HNRNPA1L2: variants seen among roughly 807,000 people sequenced by gnomAD.
HNRNPA1L2 encodes heterogeneous nuclear ribonucleoprotein A1 like 2.
A neutral mutation model predicts 18.2 loss-of-function variants in HNRNPA1L2; 10 were observed. The observed-to-expected ratio is 0.55, with a 90% CI of 0.34 to 0.93. HNRNPA1L2 has a LOEUF of 0.93. Among genes scored for constraint, HNRNPA1L2 ranks in the 40% least tolerant of loss-of-function variants. The pLI is 0.02. For missense variants in HNRNPA1L2, 308 were observed against 394.4 expected (o/e 0.78, Z 1.85); for synonymous variants, 124 against 138.6 (o/e 0.89, Z 0.74).
the HNRNPA1L2 span, among the ~76,000 whole-genome samples, chr13:52,623,472 A>T: frequency 6.6e-6 from 1 of 152,194 alleles, no homozygotes; most frequent in African/African-American, 2.4e-5. Context: ...GATGGGTGTG[A>T]TGTATGTAAA....
upstream of HNRNPA1L2, chr13:52,642,247 G>C (rs1445081620): frequency 1.9e-6 from 1 of 531,418 alleles, no homozygotes; most frequent in Non-Finnish European, 3.3e-6. Context: ...CAAAATTAGG[G>C]CTTCACAGCA....
In HNRNPA1L2 at chr13:52,643,181, G is replaced by A. The variant is rs374057465; in HGVS notation, c.689G>A (p.Gly230Asp). ...TTCAGTGGTCGTGGTGGCTTTGGTG[G>A]CAGCTGTGGTGGTGGTGGATATGGT... ...GNFSGRGGFG[G>D]SCGGGGYGGS... Residue 230 changes from glycine to aspartate, a missense_variant, in exon 1 of 1, where the codon GGC becomes GAC. Coordinates refer to ENST00000357495, the MANE Select transcript of HNRNPA1L2 (RefSeq NM_001389320.1). 3.4e-5 allele frequency: 55 copies of A among 1,597,996 alleles called. No individual in the cohort carries two copies. Among genetic ancestry groups the A allele is most frequent in the Non-Finnish European group, 4.5e-5 (53 of 1,179,832 alleles).
rs200119730 is a variant in HNRNPA1L2 at position 52,643,359 on chromosome 13, T to A, written c.867T>A (p.Tyr289Ter). The A allele has an allele frequency of 1.2e-4, 185 of 1,598,416 alleles. No individual in the cohort carries two copies. The African/African-American group carries it at 2.2e-3, about 19-fold the overall frequency. ...GNFGGRSSGP[Y>*]GGGGQYFAKP... is the part of the protein sequence containing the mutation. ...TTGGAGGCAGAAGCTCTGGCCCCTATGGCGGTGGAGGCCAATACTTTGCAA... is the reference window on the plus strand; with the variant it reads ...TTGGAGGCAGAAGCTCTGGCCCCTAAGGCGGTGGAGGCCAATACTTTGCAA... Residue 289 changes from tyrosine to a stop codon, truncating the protein, a stop_gained, in exon 1 of 1, where the codon TAT becomes TAA. Transcript: ENST00000357495. LOFTEE classifies it high-confidence loss of function.
the HNRNPA1L2 span, among the ~76,000 whole-genome samples, chr13:52,624,176 G>A: frequency 7.2e-5 from 11 of 152,248 alleles, no homozygotes; most frequent in East Asian, 1.7e-3. Flanking sequence ...GTGCAGTGGC[G>A]CGGTCTTGGC....
Position 52,642,731 on chromosome 13 carries a change from A to T in HNRNPA1L2, c.239A>T (p.Asp80Val). The T allele has an allele frequency of 6.2e-7, 1 of 1,601,918 alleles. No homozygotes were observed. Among genetic ancestry groups the T allele is most frequent in the Non-Finnish European group, 8.5e-7 (1 of 1,179,794 alleles). The change falls in exon 1 of 1, where the codon GAT becomes GTT. Residue 80 changes from aspartate (D) to valine (V), a missense_variant. Coordinates refer to ENST00000357495, the MANE Select transcript of HNRNPA1L2 (RefSeq NM_001389320.1). The part of the protein sequence containing the change: ...AAMNTTPHKV[D>V]GRVVEPKRAV... Reference sequence around the variant, plus strand: ...ATGAATACAACGCCACACAAGGTGGATGGAAGAGTTGTGGAACCAAAGAGA... The same window carrying T: ...ATGAATACAACGCCACACAAGGTGGTTGGAAGAGTTGTGGAACCAAAGAGA...
the HNRNPA1L2 span, chr13:52,637,305 A>G: frequency 2.3e-5 from 5 of 217,638 alleles, no homozygotes; most frequent in Admixed American, 4.3e-5. Context: ...TACTATACAG[A>G]CACATCACCT....
At chr13:52,621,474 C>T in the HNRNPA1L2 span, among the ~76,000 whole-genome samples, 1 of 152,072 alleles carries the variant, frequency 6.6e-6, no homozygotes, top group African/African-American at 2.4e-5. Context: ...AGATCAAGGA[C>T]TTGCAGTCAG....
the HNRNPA1L2 span, among the ~76,000 whole-genome samples, chr13:52,636,569 A>G: frequency 6.6e-6 from 1 of 152,216 alleles, no homozygotes; most frequent in Admixed American, 6.5e-5. Flanking sequence ...TCAAGTGTTC[A>G]TTAGCAGTTT....
At chr13:52,638,681 T>G (rs1961542417), upstream of HNRNPA1L2, among the ~76,000 whole-genome samples, 1 of 152,212 alleles carries the variant, frequency 6.6e-6, no homozygotes, top group Non-Finnish European at 1.5e-5. Flanking sequence ...AATTGCCTAT[T>G]AAATTGGGAA....
chr13:52,628,459 T>TA, the HNRNPA1L2 span, among the ~76,000 whole-genome samples: 2,343 of 151,340 alleles, frequency 0.015, 62 homozygotes, highest in African/African-American at 0.053. Context: ...AAATTATATT[T>TA]AAAAAAAAAG....
upstream of HNRNPA1L2, among the ~76,000 whole-genome samples, chr13:52,639,374 G>C (rs1322646375): frequency 1.3e-5 from 2 of 152,082 alleles, no homozygotes; most frequent in East Asian, 3.9e-4. Flanking sequence ...TTTTACTTAC[G>C]ATATCTTCCC....
chr13:52,628,372 T>G, the HNRNPA1L2 span, among the ~76,000 whole-genome samples: 1 of 152,016 alleles, frequency 6.6e-6, no homozygotes, highest in Non-Finnish European at 1.5e-5. Context: ...AAGTCCAGAG[T>G]TTGAGGCTGC....
upstream of HNRNPA1L2, chr13:52,642,168 T>G: frequency 5.8e-6 from 2 of 347,140 alleles, no homozygotes; most frequent in East Asian, 1.1e-4. Context: ...GCCAACAATG[T>G]GGGGTTGGTG....
chr13:52,639,233 C>T (rs1961563033), upstream of HNRNPA1L2, among the ~76,000 whole-genome samples: 1 of 152,128 alleles, frequency 6.6e-6, no homozygotes, highest in Non-Finnish European at 1.5e-5. Context: ...AGCTATTCAA[C>T]CCTTTATAAT....
the HNRNPA1L2 span, chr13:52,617,615 TC>T: frequency 2.1e-6 from 1 of 474,204 alleles, no homozygotes; most frequent in East Asian, 3.2e-5. Flanking sequence ...CCACCCTTTG[TC>T]CCCTGGAAGC....
the HNRNPA1L2 span, among the ~76,000 whole-genome samples, chr13:52,630,279 A>G: frequency 1.3e-5 from 2 of 151,860 alleles, no homozygotes; most frequent in Non-Finnish European, 2.9e-5. Context: ...TTATTTATTT[A>G]TTTGTTTATT....
At chr13:52,635,721 C>T in the HNRNPA1L2 span, among the ~76,000 whole-genome samples, 18 of 151,898 alleles carry the variant, frequency 1.2e-4, 1 homozygote, top group Non-Finnish European at 1.3e-4. Flanking sequence ...TACTCTTTTG[C>T]ATCTGGCTTG....
the HNRNPA1L2 span, among the ~76,000 whole-genome samples, chr13:52,628,900 A>C: frequency 2.0e-5 from 3 of 152,160 alleles, no homozygotes; most frequent in African/African-American, 7.2e-5. Flanking sequence ...TTGGAGACAA[A>C]GTTTCACTCT....
Position 52,642,860 on chromosome 13 carries a change from A to T in HNRNPA1L2, c.368A>T (p.Asp123Val). The change falls in exon 1 of 1, where the codon GAT (aspartate) becomes GTT (valine). Residue 123 changes from aspartate (D) to valine (V), a missense_variant. Transcript: ENST00000357495. ...KEDTEEHHLR[D>V]YFEQYGKIEV... The stretch of plus-strand genomic sequence containing the variant: ...GACACTGAAGAACATCACCTAAGAG[A>T]TTATTTTGAACAGTATGGAAAAATT... 1 of 1,596,626 alleles carries T rather than the reference A, an allele frequency of 6.3e-7. No individual in the cohort carries two copies. Among genetic ancestry groups the T allele is most frequent in the Non-Finnish European group, 8.5e-7 (1 of 1,179,732 alleles).
Sources: allele counts gnomAD v4.1 joint callset (sites outside exome capture counted in the v4.1 genomes callset), GRCh38; gene constraint gnomAD v4.1.1; transcripts MANE v1.5; gene names NCBI Gene and HGNC (gene_info 2026-07-23, HGNC 2026-07-21).